TBC1D16: variants seen among roughly 807,000 people sequenced by gnomAD.
The protein encoded by TBC1D16 is CTD-2529O21.1.
A neutral mutation model predicts 74.7 loss-of-function variants in TBC1D16; 58 were observed. That is an observed-to-expected ratio of 0.78 (90% confidence interval 0.63 to 0.97). TBC1D16 has a LOEUF of 0.97. Among genes scored for constraint, TBC1D16 ranks in the 50% least tolerant of loss-of-function variants. The pLI, the probability that TBC1D16 is intolerant of heterozygous loss-of-function variation, is 0.00. For missense variants in TBC1D16, 1,014 were observed against 1,079.5 expected, an observed-to-expected ratio of 0.94 and a Z score of 0.85; for synonymous variants, 493 against 474.7, an observed-to-expected ratio of 1.04 and a Z score of -0.50.
intron 3 of TBC1D16, among the ~76,000 whole-genome samples, chr17:79,957,462 C>T (rs2033388295): frequency 6.6e-6 from 1 of 152,106 alleles, no homozygotes; most frequent in Admixed American, 6.5e-5. Flanking sequence ...AAGGCTGCAC[C>T]CTGTGGGATT....
intron 10 of TBC1D16, among the ~76,000 whole-genome samples, chr17:79,943,668 A>G (rs1432796135): frequency 1.3e-5 from 2 of 151,148 alleles, no homozygotes; most frequent in Non-Finnish European, 2.9e-5. Context: ...TGCTTTGTGG[A>G]CTTCCAACAC....
chr17:79,943,799 G>A (rs2032258317), intron 10 of TBC1D16: 11 of 1,274,922 alleles, frequency 8.6e-6, no homozygotes, highest in South Asian at 3.3e-5. Flanking sequence ...CGGGCCACGC[G>A]CTGAGTTCAC....
In TBC1D16 at chr17:79,944,388, G is replaced by C. The variant is rs1465471274; in HGVS notation, c.1908+520C>G. 6.6e-6 allele frequency among the ~76,000 whole-genome samples: 1 copy of C among 152,250 alleles called. No individual in the cohort carries two copies. The highest frequency in any genetic ancestry group is 2.4e-5 in the African/African-American group (1 of 41,464). On this transcript the variant is annotated intron_variant, in intron 10 of 11. Coordinates refer to ENST00000310924, the MANE Select transcript of TBC1D16 (RefSeq NM_019020.4). The surrounding 1 kb of genome is among the most constrained non-coding windows in gnomAD (Gnocchi z 7.7). Reference sequence around the variant, plus strand: ...ACAGAGCCAGTGCTGTGCTCCAAGGGGAATTTGCTGAGAAGATGCTGGTGA... The same window carrying C: ...ACAGAGCCAGTGCTGTGCTCCAAGGCGAATTTGCTGAGAAGATGCTGGTGA...
intron 9 of TBC1D16, among the ~76,000 whole-genome samples, chr17:79,946,017 C>T (rs541979010): frequency 2.4e-4 from 37 of 152,334 alleles, no homozygotes; most frequent in Admixed American, 1.8e-3. Flanking sequence ...GACCCCCTTG[C>T]AGATGCTCCA....
intron 3 of TBC1D16, among the ~76,000 whole-genome samples, chr17:79,972,871 T>A (rs970271544): frequency 6.6e-6 from 1 of 151,766 alleles, no homozygotes; most frequent in Non-Finnish European, 1.5e-5. Flanking sequence ...CGCCTGAGCT[T>A]AGGAGTTCGG....
Position 79,972,021 on chromosome 17 carries a change from C to T in TBC1D16, c.780-19203G>A, listed in dbSNP as rs1343158667. ...CGCTCAAAAGAACTGAAAGCAGGGA[C>T]TCGAACAGGTATGTGTACCCCGTGT... On this transcript the variant is annotated intron_variant, in intron 3 of 11. Coordinates refer to ENST00000310924, the MANE Select transcript of TBC1D16 (RefSeq NM_019020.4). Among the ~76,000 whole-genome samples the T allele has an allele frequency of 2.0e-5, 3 of 152,150 alleles. No individual in the cohort carries two copies. In the South Asian group the frequency reaches 6.2e-4, roughly 32 times the overall value.
chr17:79,947,627 C>A lies in TBC1D16; in HGVS notation c.1728+18G>T, dbSNP rs1330071324. The A allele has an allele frequency of 1.9e-6, 3 of 1,613,214 alleles. No homozygotes were observed. The highest frequency in any genetic ancestry group is 2.5e-6 in the Non-Finnish European group (3 of 1,179,438). On this transcript the variant is annotated intron_variant, in intron 9 of 11. Coordinates refer to ENST00000310924, the MANE Select transcript of TBC1D16 (RefSeq NM_019020.4). Reference sequence around the variant, plus strand: ...GCCCTCACATGCCCTTGGACGCACCCATCCCCCTGAGCCTCACCAGTTGTT... The same window carrying A: ...GCCCTCACATGCCCTTGGACGCACCAATCCCCCTGAGCCTCACCAGTTGTT...
chr17:79,935,827 G>GA lies in TBC1D16; in HGVS notation c.*5031dup, dbSNP rs1321730421. The GA allele has an allele frequency of 6.6e-5, 10 of 151,972 alleles. No individual in the cohort carries two copies. Among genetic ancestry groups the GA allele is most frequent in the South Asian group, 6.2e-4 (3 of 4,828 alleles). 9.4% of individuals were successfully genotyped at this position (151,972 alleles called of 1,614,324 possible). The stretch of plus-strand genomic sequence containing the variant: ...CATCAGTAATCTATTGGTAATGGTG[G>GA]AAATTTCATGAAAATTTCCCCTAAA... On this transcript the variant is annotated 3_prime_UTR_variant, in exon 12 of 12. Coordinates refer to ENST00000310924, the MANE Select transcript of TBC1D16 (RefSeq NM_019020.4).
In TBC1D16 at chr17:79,986,048, G is replaced by A. The variant is rs2034823118; in HGVS notation, c.779+24112C>T. Among the ~76,000 whole-genome samples, 1 of 152,268 alleles carries A rather than the reference G, an allele frequency of 6.6e-6. No individual in the cohort carries two copies. Among genetic ancestry groups the A allele is most frequent in the South Asian group, 2.1e-4 (1 of 4,832 alleles). Reference sequence around the variant, plus strand: ...AGAACGGCTGGTGTCTGCTTTGAAAGGTCCTGACTAGAATCTGTTTATATT... The same window carrying A: ...AGAACGGCTGGTGTCTGCTTTGAAAAGTCCTGACTAGAATCTGTTTATATT... On this transcript the variant is annotated intron_variant, in intron 3 of 11. Transcript: ENST00000310924. The surrounding 1 kb of genome is among the most constrained non-coding windows in gnomAD (Gnocchi z 6.0).
chr17:79,958,328 T>A (rs1207574978), intron 3 of TBC1D16, among the ~76,000 whole-genome samples: 1 of 151,842 alleles, frequency 6.6e-6, no homozygotes, highest in Non-Finnish European at 1.5e-5. Context: ...CAAGCGATTC[T>A]CCTGCCTCAG....
Position 79,941,639 on chromosome 17 carries a change from G to A in TBC1D16, c.2055+421C>T, listed in dbSNP as rs1466735293. On this transcript the variant is annotated intron_variant, in intron 11 of 11. Coordinates refer to ENST00000310924, the MANE Select transcript of TBC1D16 (RefSeq NM_019020.4). The surrounding 1 kb of genome is among the most constrained non-coding windows in gnomAD (Gnocchi z 4.3). ...CAGGAGGCGTCTGGGAAGTGGGGGA[G>A]GGGGCCAAAGCCCAAGGTCCCCAGT... is the stretch of plus-strand genomic sequence containing the variant. Among the ~76,000 whole-genome samples the A allele has an allele frequency of 2.0e-5, 3 of 152,226 alleles. No individual in the cohort carries two copies. Among genetic ancestry groups the A allele is most frequent in the Non-Finnish European group, 4.4e-5 (3 of 68,024 alleles).
intron 3 of TBC1D16, among the ~76,000 whole-genome samples, chr17:79,962,836 C>A (rs187973792): frequency 6.6e-6 from 1 of 151,820 alleles, no homozygotes; most frequent in East Asian, 2.0e-4. Flanking sequence ...CCGAGGTGGG[C>A]GGATCACCTG....
intron 10 of TBC1D16, among the ~76,000 whole-genome samples, chr17:79,942,823 G>A (rs904781489): frequency 2.0e-5 from 3 of 152,196 alleles, no homozygotes; most frequent in Non-Finnish European, 4.4e-5. Context: ...TGAAATGATC[G>A]CCCTGTCCTT....
Position 79,952,644 on chromosome 17 carries a change from A to C in TBC1D16, c.941+13T>G. The stretch of plus-strand genomic sequence containing the variant: ...AGGCCAACTCCCAGGAGGCGCCCAG[A>C]GATGCTTCCTACCTGAAGAAAAGGC... On this transcript the variant is annotated intron_variant, in intron 4 of 11. Coordinates refer to ENST00000310924, the MANE Select transcript of TBC1D16 (RefSeq NM_019020.4). 1.3e-6 allele frequency: 2 copies of C among 1,584,236 alleles called. No homozygotes were observed. The highest frequency in any genetic ancestry group is 1.7e-6 in the Non-Finnish European group (2 of 1,159,328).
At chr17:79,992,511 T>A (rs1190390757) in intron 3 of TBC1D16, among the ~76,000 whole-genome samples, 1 of 152,172 alleles carries the variant, frequency 6.6e-6, no homozygotes, top group Non-Finnish European at 1.5e-5. Context: ...CTACCAAAAA[T>A]AATCCTCCCA....
At chr17:79,970,306 G>C (rs2034028348) in intron 3 of TBC1D16, among the ~76,000 whole-genome samples, 1 of 152,092 alleles carries the variant, frequency 6.6e-6, no homozygotes, top group Non-Finnish European at 1.5e-5. Context: ...GACTGCTAGA[G>C]TATGAGGTTT....
At chr17:80,021,919 CACAA>C (rs2036301698) in intron 1 of TBC1D16, among the ~76,000 whole-genome samples, 1 of 147,532 alleles carries the variant, frequency 6.8e-6, no homozygotes, top group Non-Finnish European at 1.5e-5. Context: ...CCATGACACA[CACAA>C]ACACATACCA....
At chr17:80,016,180 T>C (rs1490967781) in intron 1 of TBC1D16, among the ~76,000 whole-genome samples, 1 of 151,476 alleles carries the variant, frequency 6.6e-6, no homozygotes, top group African/African-American at 2.4e-5. Flanking sequence ...ACAAGCACTG[T>C]AGGATTCTAC....
chr17:79,971,028 TTTA>T lies in TBC1D16; in HGVS notation c.780-18213_780-18211del, dbSNP rs1406708779. 4.0e-3 allele frequency among the ~76,000 whole-genome samples: 596 copies of T among 147,400 alleles called. 4 individuals carry two copies. Among genetic ancestry groups the T allele is most frequent in the Middle Eastern group, 0.014 (4 of 288 alleles). On this transcript the variant is annotated intron_variant, in intron 3 of 11. Coordinates refer to ENST00000310924, the MANE Select transcript of TBC1D16 (RefSeq NM_019020.4). This position sits in a 1 kb window ranked among gnomAD's most constrained non-coding sequence, Gnocchi z 4.6. ...ATATACACTCCCTGTATTTTTATTT[TTTA>T]TTTTTTTTTGAGATGGAGTCTGTCT...
Sources: allele counts gnomAD v4.1 joint callset (sites outside exome capture counted in the v4.1 genomes callset), GRCh38; gene constraint gnomAD v4.1.1; non-coding constraint Gnocchi (gnomAD v3.1); transcripts MANE v1.5; gene names NCBI Gene and HGNC (gene_info 2026-07-23, HGNC 2026-07-21).